The following CELF3 variants were observed in gnomAD, a reference collection of about 807,000 sequenced individuals.
The protein encoded by CELF3 is CUGBP Elav-like family member 3, also known as CAG repeat domain.
In CELF3, 26 loss-of-function variants were observed where a neutral mutation model predicts 59.6. The ratio of observed to expected loss-of-function variants is 0.44; its 90% confidence interval spans 0.32 to 0.61. The LOEUF is 0.61. Ranked by LOEUF, CELF3 falls within the 20% of genes least tolerant of loss-of-function variation. The pLI, the probability that CELF3 is intolerant of heterozygous loss-of-function variation, is 0.06. For synonymous variants in CELF3, 245 were observed against 250.7 expected (o/e 0.98, Z 0.22); for missense variants, 387 against 627.2 (o/e 0.62, Z 4.09).
rs1672420919 is a variant in CELF3, at chr1:151,705,364, A to G, written c.1271-196T>C. ...CCAGTCCAGCCACTCCAACTACCACATTCTTCCCAGCATTCTGTGCCAGTG... is the reference window on the plus strand; with the variant it reads ...CCAGTCCAGCCACTCCAACTACCACGTTCTTCCCAGCATTCTGTGCCAGTG... On this transcript the variant is annotated intron_variant, in intron 11 of 12. Coordinates refer to ENST00000290583, the MANE Select transcript of CELF3 (RefSeq NM_007185.7). This position sits in a 1 kb window ranked among gnomAD's most constrained non-coding sequence, Gnocchi z 5.1. 6.6e-6 allele frequency among the ~76,000 whole-genome samples: 1 copy of G among 152,206 alleles called. No individual in the cohort carries two copies. The highest frequency in any genetic ancestry group is 1.9e-4 in the East Asian group (1 of 5,202).
chr1:151,714,705 G>T, intron 1 of CELF3, 29 bp from the exon 2 acceptor site: 2 of 1,480,652 alleles, frequency 1.4e-6, no homozygotes, highest in South Asian at 2.4e-5. Context: ...AGAGAAACAC[G>T]GCGGGGGGTG....
intron 2 of CELF3, chr1:151,710,947 C>T (rs1419758863): frequency 2.4e-6 from 1 of 408,212 alleles, no homozygotes. Flanking sequence ...AGGACTCTGA[C>T]AGCTGGAACC....
rs537198059 is a variant in CELF3, at chr1:151,709,927, G to A, written c.229-136C>T. 2.3e-5 allele frequency: 19 copies of A among 808,886 alleles called. No individual in the cohort carries two copies. The highest frequency in any genetic ancestry group is 6.0e-4 in the Middle Eastern group (2 of 3,332). 50.1% of individuals were successfully genotyped at this position (808,886 alleles called of 1,614,324 possible). On this transcript the variant is annotated intron_variant, in intron 2 of 12. Coordinates refer to ENST00000290583, the MANE Select transcript of CELF3 (RefSeq NM_007185.7). This position sits in a 1 kb window ranked among gnomAD's most constrained non-coding sequence, Gnocchi z 4.9. ...GTTTCTGATGGGAAGGAAGGGACAG[G>A]GCCTAATACTGTTCAGGATGAAGGC...
chr1:151,706,088 G>T, intron 10 of CELF3, 123 bp from the exon 11 acceptor site: 1 of 1,589,986 alleles, frequency 6.3e-7, no homozygotes. Context: ...GACAGTGTGG[G>T]CCAAGTCTCC....
chr1:151,708,044 C>T lies in CELF3; in HGVS notation c.487-109G>A, dbSNP rs1432709506. ...ACCCCCATGGCATGGCTTGGCCTCT[C>T]TGAGAGGGCGGCCACCATTTTGCGT... On this transcript the variant is annotated intron_variant, in intron 5 of 12. Transcript: ENST00000290583. The T allele has an allele frequency of 6.9e-6, 9 of 1,298,996 alleles. No individual in the cohort carries two copies. In the East Asian group the frequency reaches 2.0e-4, roughly 29 times the overall value. The allele number at this position is 1,298,996 out of a possible 1,614,324, so 80.5% of individuals were successfully genotyped here.
In CELF3 at chr1:151,702,946, A is replaced by G; in HGVS notation, c.*513T>C. The G allele has an allele frequency of 3.1e-6, 1 of 319,736 alleles. No homozygotes were observed. The highest frequency in any genetic ancestry group is 6.3e-6 in the Non-Finnish European group (1 of 159,138). 19.8% of individuals were successfully genotyped at this position (319,736 alleles called of 1,614,324 possible). ...GGAGGCAGTGAGTTTTAGGGCTGGGAGCCCAGGAATCAGGGATATCCTACC... is the reference window on the plus strand; with the variant it reads ...GGAGGCAGTGAGTTTTAGGGCTGGGGGCCCAGGAATCAGGGATATCCTACC... On this transcript the variant is annotated 3_prime_UTR_variant, in exon 13 of 13. Transcript: ENST00000290583.
At position 151,709,514 on chromosome 1, in the gene CELF3, C is replaced by T; in HGVS notation, c.278-166G>A. The T allele has an allele frequency of 1.9e-6, 2 of 1,046,530 alleles. No individual in the cohort carries two copies. The highest frequency in any genetic ancestry group is 2.8e-6 in the Non-Finnish European group (2 of 705,284). 64.8% of individuals were successfully genotyped at this position (1,046,530 alleles called of 1,614,324 possible). A position where few individuals can be genotyped will look rare whatever the true frequency, so the allele number is the denominator to read the frequency against. On this transcript the variant is annotated intron_variant, in intron 3 of 12. Coordinates refer to ENST00000290583, the MANE Select transcript of CELF3 (RefSeq NM_007185.7). This position sits in a 1 kb window ranked among gnomAD's most constrained non-coding sequence, Gnocchi z 4.9. ...GAATGGGGTATAGTTGCAGAGGGTG[C>T]TCATCCCAGCTCTGAGGGACTCGCA... is the stretch of plus-strand genomic sequence containing the variant.
At position 151,715,863 on chromosome 1, in the gene CELF3, C is replaced by A. The variant is rs1673439084; in HGVS notation, c.145+13G>T. 7 of 1,608,156 alleles carry A rather than the reference C, an allele frequency of 4.4e-6. No homozygotes were observed. Among genetic ancestry groups the A allele is most frequent in the Non-Finnish European group, 6.0e-6 (7 of 1,176,058 alleles). ...CCCACCCCGAAGCCTCTTCAGCCTG[C>A]CCGACCCCTCACCCTTGTGCAGCCC... is the stretch of plus-strand genomic sequence containing the variant. On this transcript the variant is annotated intron_variant, in intron 1 of 12. Coordinates refer to ENST00000290583, the MANE Select transcript of CELF3 (RefSeq NM_007185.7).
rs1377876429 is a variant in CELF3 at position 151,702,189 on chromosome 1, G to A, written c.*1270C>T. On this transcript the variant is annotated 3_prime_UTR_variant, in exon 13 of 13. Transcript: ENST00000290583. ...CCGACAGGGGAGATCTCCTTGTGCC[G>A]AACTCTGCAGGACATTCCAGAATTA... Among the ~76,000 whole-genome samples the A allele has an allele frequency of 6.6e-6, 1 of 152,182 alleles. No individual in the cohort carries two copies. The highest frequency in any genetic ancestry group is 1.5e-5 in the Non-Finnish European group (1 of 68,028).
At position 151,705,808 on chromosome 1, in the gene CELF3, T is replaced by C. The variant is rs779383582; in HGVS notation, c.1270+14A>G. ...TTGGAGTATGGCAAAAAATGTGCCA[T>C]ATCATATTCTTACCAAAACATTTGC... is the stretch of plus-strand genomic sequence containing the variant. On this transcript the variant is annotated intron_variant, in intron 11 of 12. Coordinates refer to ENST00000290583, the MANE Select transcript of CELF3 (RefSeq NM_007185.7). This position sits in a 1 kb window ranked among gnomAD's most constrained non-coding sequence, Gnocchi z 5.1. The C allele has an allele frequency of 6.2e-7, 1 of 1,613,372 alleles. No homozygotes were observed. The highest frequency in any genetic ancestry group is 8.5e-7 in the Non-Finnish European group (1 of 1,179,636).
chr1:151,709,672 C>G lies in CELF3; in HGVS notation c.277+71G>C. The G allele has an allele frequency of 1.4e-6, 2 of 1,453,392 alleles. No homozygotes were observed. Among genetic ancestry groups the G allele is most frequent in the Admixed American group, 1.7e-5 (1 of 59,770 alleles). The allele number at this position is 1,453,392 out of a possible 1,614,324, so 90.0% of individuals were successfully genotyped here. On this transcript the variant is annotated intron_variant, in intron 3 of 12. Transcript: ENST00000290583. This position sits in a 1 kb window ranked among gnomAD's most constrained non-coding sequence, Gnocchi z 4.9. ...GGCTTTCTCCCTCAAGAAAGGCTAC[C>G]CCTCGACAACTCCAGGCCCTGGGCC...
chr1:151,709,360 G>A lies in CELF3; in HGVS notation c.278-12C>T. Reference sequence around the variant, plus strand: ...GAGCTTCCGGTCTTCTGGGTGGTAGGGCACAGGAGGAGGGCATGTTCAGGG... The same window carrying A: ...GAGCTTCCGGTCTTCTGGGTGGTAGAGCACAGGAGGAGGGCATGTTCAGGG... On this transcript the variant is annotated splice_polypyrimidine_tract_variant and intron_variant, in intron 3 of 12. Coordinates refer to ENST00000290583, the MANE Select transcript of CELF3 (RefSeq NM_007185.7). The surrounding 1 kb of genome is among the most constrained non-coding windows in gnomAD (Gnocchi z 4.9). The A allele has an allele frequency of 6.2e-7, 1 of 1,613,950 alleles. No individual in the cohort carries two copies. Among genetic ancestry groups the A allele is most frequent in the Non-Finnish European group, 8.5e-7 (1 of 1,179,898 alleles).
chr1:151,708,946 C>A, intron 5 of CELF3, 52 bp downstream of exon 5: 1 of 1,527,284 alleles, frequency 6.5e-7, no homozygotes, highest in Non-Finnish European at 9.0e-7. Flanking sequence ...CAGGGCCTGG[C>A]AGGTGGGCAG....
intron 2 of CELF3, among the ~76,000 whole-genome samples, chr1:151,712,289 C>A (rs558550732): frequency 6.6e-6 from 1 of 152,220 alleles, no homozygotes. Flanking sequence ...CCCTCCACCA[C>A]GGTCACTTTT....
chr1:151,708,498 G>T (rs3790512), intron 5 of CELF3: 86,435 of 182,352 alleles, frequency 0.47, 23,453 homozygotes, highest in African/African-American at 0.73. Context: ...CTCCACCAAG[G>T]CCCCGTGAAA....
chr1:151,716,251 G>T lies in CELF3; in HGVS notation c.-231C>A. ...AGGCAGACGCTGTCATGCCACCAGG[G>T]GGCATCGCCTAAACAAACGATCTCC... is the stretch of plus-strand genomic sequence containing the variant. On this transcript the variant is annotated 5_prime_UTR_variant, in exon 1 of 13. Coordinates refer to ENST00000290583, the MANE Select transcript of CELF3 (RefSeq NM_007185.7). The T allele has an allele frequency of 2.0e-6, 1 of 491,364 alleles. No individual in the cohort carries two copies. Among genetic ancestry groups the T allele is most frequent in the South Asian group, 3.8e-5 (1 of 26,322 alleles). The allele number at this position is 491,364 out of a possible 1,614,324, so 30.4% of individuals were successfully genotyped here.
chr1:151,715,668 C>G (rs1208122704), intron 1 of CELF3: 2 of 1,518,782 alleles, frequency 1.3e-6, no homozygotes, highest in Middle Eastern at 1.7e-4. Flanking sequence ...AACTCTTCAG[C>G]CAAAAGAGGC....
rs551996183 is a variant in CELF3 at position 151,701,783 on chromosome 1, G to A, written c.*1676C>T. Reference sequence around the variant, plus strand: ...CACCATTTTTAAAAATGAGCTGGGCGTGGTGGTGCAGCCGCTTATAGTCCT... The same window carrying A: ...CACCATTTTTAAAAATGAGCTGGGCATGGTGGTGCAGCCGCTTATAGTCCT... On this transcript the variant is annotated 3_prime_UTR_variant, in exon 13 of 13. Transcript: ENST00000290583. 8.1e-4 allele frequency among the ~76,000 whole-genome samples: 124 copies of A among 152,236 alleles called. 1 individual carries two copies. The highest frequency in any genetic ancestry group is 3.3e-3 in the Admixed American group (50 of 15,288).
In CELF3 at chr1:151,707,890, CCTT is replaced by C. The variant is rs1198177240; in HGVS notation, c.529_531del (p.Lys177del). 1.2e-6 allele frequency: 2 copies of C among 1,613,848 alleles called. No individual in the cohort carries two copies. Among genetic ancestry groups the C allele is most frequent in the Non-Finnish European group, 1.7e-6 (2 of 1,179,838 alleles). Reference sequence around the variant, plus strand: ...TGCTGCATGCGGCGGAGACCTCGCTCCTTCTCAGTGTCAGCAAACTTCACCACC... The same window carrying C: ...TGCTGCATGCGGCGGAGACCTCGCTCCTCAGTGTCAGCAAACTTCACCACC... On this transcript the variant is annotated inframe_deletion, in exon 6 of 13. Coordinates refer to ENST00000290583, the MANE Select transcript of CELF3 (RefSeq NM_007185.7).
Sources: gnomAD v4.1 joint callset for allele counts (sites outside exome capture counted in the v4.1 genomes callset) on GRCh38, gnomAD v4.1.1 for gene constraint, Gnocchi (gnomAD v3.1) non-coding constraint, MANE v1.5 for transcripts, NCBI Gene and HGNC (gene_info 2026-07-23, HGNC 2026-07-21) for gene names.